Variants in IL1RAPL2 observed in about 807,000 individuals in gnomAD.
The protein encoded by IL1RAPL2 is interleukin 1 receptor accessory protein like 2.
Under a neutral mutation model 44.1 loss-of-function variants are expected in IL1RAPL2, and 3 were observed. The observed-to-expected ratio is 0.07, with a 90% CI of 0.03 to 0.18. The LOEUF (loss-of-function observed/expected upper bound fraction) is 0.18, where lower values mean the gene tolerates loss of function less well. Among genes scored for constraint, IL1RAPL2 ranks in the 10% least tolerant of loss-of-function variants. The pLI, the probability that IL1RAPL2 is intolerant of heterozygous loss-of-function variation, is 1.00. For missense variants in IL1RAPL2, 391 were observed against 496.4 expected, an observed-to-expected ratio of 0.79 and a Z score of 2.02; for synonymous variants, 181 against 178.8, an observed-to-expected ratio of 1.01 and a Z score of -0.10.
chrX:105,151,580 G>A (rs1000085616), intron 2 of IL1RAPL2, among the ~76,000 whole-genome samples: 1 of 109,937 alleles, frequency 9.1e-6, no homozygotes, highest in African/African-American at 3.3e-5. Flanking sequence ...TAGTAGACAG[G>A]AGATAATTCA....
At chrX:105,081,815 G>A (rs1459052355) in intron 2 of IL1RAPL2, among the ~76,000 whole-genome samples, 3 of 111,891 alleles carry the variant, frequency 2.7e-5, no homozygotes, top group Non-Finnish European at 5.6e-5. Flanking sequence ...TGCATCCCAG[G>A]GATGAAGCTA....
chrX:105,060,585 CTTTTTT>C (rs1161187469), intron 2 of IL1RAPL2, among the ~76,000 whole-genome samples: 3 of 70,170 alleles, frequency 4.3e-5, no homozygotes, highest in Non-Finnish European at 8.0e-5. Flanking sequence ...TTTTCTTTTT[CTTTTTT>C]TTTTTTTTTT....
chrX:105,438,371 A>G (rs2035896147), intron 5 of IL1RAPL2, among the ~76,000 whole-genome samples: 2 of 111,074 alleles, frequency 1.8e-5, no homozygotes, highest in African/African-American at 6.7e-5. Context: ...ACCCAGCTCC[A>G]GATAAAAAGA....
chrX:105,237,306 G>A (rs1556202781), intron 4 of IL1RAPL2, among the ~76,000 whole-genome samples: 4 of 111,601 alleles, frequency 3.6e-5, no homozygotes, highest in African/African-American at 6.5e-5. Context: ...ATAAACATAC[G>A]GTGTGCATGT....
At chrX:104,909,294 C>G (rs1436983367) in intron 2 of IL1RAPL2, among the ~76,000 whole-genome samples, 3 of 111,411 alleles carry the variant, frequency 2.7e-5, no homozygotes, top group East Asian at 5.7e-4. Context: ...TTTGAATGTC[C>G]TCCCGTAGCT....
At chrX:105,226,562 A>AT (rs1205146240) in intron 3 of IL1RAPL2, among the ~76,000 whole-genome samples, 1 of 106,730 alleles carries the variant, frequency 9.4e-6, no homozygotes, top group Non-Finnish European at 1.9e-5. Flanking sequence ...CATGCCAGCT[A>AT]TTTTTTTGTT....
intron 6 of IL1RAPL2, among the ~76,000 whole-genome samples, chrX:105,579,608 T>G: frequency 9.0e-6 from 1 of 111,439 alleles, no homozygotes; most frequent in Non-Finnish European, 1.9e-5. Flanking sequence ...GATACTAAGC[T>G]AATTGCCTTC....
chrX:105,712,652 A>G (rs1217939582), intron 6 of IL1RAPL2, among the ~76,000 whole-genome samples: 1 of 110,890 alleles, frequency 9.0e-6, no homozygotes, highest in Non-Finnish European at 1.9e-5. Context: ...GCATGGGGAA[A>G]ACTGCCCCCA....
intron 2 of IL1RAPL2, among the ~76,000 whole-genome samples, chrX:105,033,574 A>G (rs985794537): frequency 3.6e-5 from 4 of 111,790 alleles, no homozygotes; most frequent in Non-Finnish European, 7.5e-5. Context: ...TGGCTTGTAG[A>G]GTTTCTGCAG....
chrX:104,662,660 A>T (rs1323833567), intron 2 of IL1RAPL2, among the ~76,000 whole-genome samples: 2 of 110,085 alleles, frequency 1.8e-5, no homozygotes, highest in East Asian at 5.8e-4. Flanking sequence ...GTCACTCAAG[A>T]CCTTCTATTT....
chrX:105,150,470 C>G (rs1243361519), intron 2 of IL1RAPL2, among the ~76,000 whole-genome samples: 1 of 112,071 alleles, frequency 8.9e-6, no homozygotes, highest in Admixed American at 9.5e-5. Context: ...ACAGTGCATT[C>G]TTTTTGGTGT....
intron 2 of IL1RAPL2, among the ~76,000 whole-genome samples, chrX:105,042,982 A>G (rs1197052208): frequency 9.6e-6 from 1 of 104,593 alleles, no homozygotes; most frequent in African/African-American, 3.5e-5. Context: ...GCAAGAACAA[A>G]AAAACAAACA....
intron 2 of IL1RAPL2, among the ~76,000 whole-genome samples, chrX:105,060,585 C>CTTTTTTTTTTT (rs1161187469): frequency 1.4e-3 from 98 of 69,845 alleles, no homozygotes; most frequent in East Asian, 1.7e-3. Context: ...TTTTCTTTTT[C>CTTTTTTTTTTT]TTTTTTTTTT....
At chrX:104,820,745 A>G (rs767253711) in intron 2 of IL1RAPL2, among the ~76,000 whole-genome samples, 2 of 112,298 alleles carry the variant, frequency 1.8e-5, no homozygotes, top group Non-Finnish European at 3.8e-5. Flanking sequence ...GCGTCTCTGA[A>G]TTTCAGTTTT....
chrX:104,659,433 G>A (rs908735702), intron 2 of IL1RAPL2, among the ~76,000 whole-genome samples: 2 of 111,492 alleles, frequency 1.8e-5, no homozygotes, highest in Admixed American at 1.9e-4. Flanking sequence ...TAACAGGCAG[G>A]GGTCTACAGC....
At chrX:105,299,745 A>G (rs1197877868) in intron 5 of IL1RAPL2, among the ~76,000 whole-genome samples, 1 of 112,285 alleles carries the variant, frequency 8.9e-6, no homozygotes, top group Non-Finnish European at 1.9e-5. Flanking sequence ...CTAATGCTAC[A>G]TGACTTTTAG....
chrX:105,671,038 C>T (rs2037820730), intron 6 of IL1RAPL2, among the ~76,000 whole-genome samples: 1 of 110,203 alleles, frequency 9.1e-6, no homozygotes, highest in African/African-American at 3.3e-5. Flanking sequence ...ACCTCCGCCT[C>T]CCAGGTTCAA....
At chrX:105,463,570 CCACACACA>C (rs55781747) in intron 5 of IL1RAPL2, among the ~76,000 whole-genome samples, 1,366 of 98,628 alleles carry the variant, frequency 0.014, 17 homozygotes, top group African/African-American at 0.047. Context: ...TCTCTCTCTC[CCACACACA>C]CACACACACA....
At position 104,566,570 on chromosome X, in the gene IL1RAPL2, C is replaced by T. The variant is rs1928035705; in HGVS notation, c.-501C>T. The T allele has an allele frequency of 8.9e-6, 1 of 112,903 alleles. No homozygotes were observed. Among genetic ancestry groups the T allele is most frequent in the Non-Finnish European group, 1.9e-5 (1 of 53,366 alleles). 9.3% of individuals were successfully genotyped at this position (112,903 alleles called of 1,213,427 possible). A position where few individuals can be genotyped will look rare whatever the true frequency, so the allele number is the denominator to read the frequency against. On this transcript the variant is annotated 5_prime_UTR_variant, in exon 1 of 11. Coordinates refer to ENST00000372582, the MANE Select transcript of IL1RAPL2 (RefSeq NM_017416.2). ...GGCCACAGGCTGAGGCGCCCGCGTCCCGGAGTGCACCGCTTGGCCGAGGCA... is the reference window on the plus strand; with the variant it reads ...GGCCACAGGCTGAGGCGCCCGCGTCTCGGAGTGCACCGCTTGGCCGAGGCA...
Sources: allele counts gnomAD v4.1 joint callset (sites outside exome capture counted in the v4.1 genomes callset), GRCh38; gene constraint gnomAD v4.1.1; transcripts MANE v1.5; gene names NCBI Gene and HGNC (gene_info 2026-07-23, HGNC 2026-07-21).